RNMT: variants seen among roughly 807,000 people sequenced by gnomAD.
RNMT encodes the protein RNA guanine-7 methyltransferase, also known as mRNA cap guanine-N(7) methyltransferase.
Under a neutral mutation model 56.0 loss-of-function variants are expected in RNMT, and 27 were observed. The ratio of observed to expected loss-of-function variants is 0.48; its 90% confidence interval spans 0.36 to 0.67. The LOEUF (loss-of-function observed/expected upper bound fraction) is 0.67, where lower values mean the gene tolerates loss of function less well. Among genes scored for constraint, RNMT ranks in the 30% least tolerant of loss-of-function variants. The pLI, the probability that RNMT is intolerant of heterozygous loss-of-function variation, is 0.00. For synonymous variants in RNMT, 184 were observed against 176.2 expected, an observed-to-expected ratio of 1.04 and a Z score of -0.35; for missense variants, 519 against 552.1, an observed-to-expected ratio of 0.94 and a Z score of 0.60.
intron 9 of RNMT, among the ~76,000 whole-genome samples, chr18:13,749,636 A>G (rs1032559754): frequency 2.6e-5 from 4 of 152,260 alleles, no homozygotes; most frequent in African/African-American, 9.6e-5. Context: ...ATGAATTATT[A>G]AAAACATAAA....
chr18:13,759,712 T>C (rs2044596312), intron 11 of RNMT, among the ~76,000 whole-genome samples: 1 of 152,212 alleles, frequency 6.6e-6, no homozygotes, highest in South Asian at 2.1e-4. Flanking sequence ...TGGGCTGCAA[T>C]ATCACTGAGT....
At chr18:13,740,889 T>C (rs998189109) in intron 6 of RNMT, among the ~76,000 whole-genome samples, 3 of 152,212 alleles carry the variant, frequency 2.0e-5, no homozygotes, top group African/African-American at 7.2e-5. Flanking sequence ...TTATACTATG[T>C]TTTGTTCACC....
chr18:13,750,631 C>A (rs1474110639), intron 9 of RNMT, among the ~76,000 whole-genome samples: 2 of 151,890 alleles, frequency 1.3e-5, no homozygotes, highest in African/African-American at 2.4e-5. Context: ...GAAACCTTGT[C>A]CCTACAAAAA....
rs770957267 is a variant in RNMT at position 13,746,287 on chromosome 18, A to G, written c.1207A>G (p.Ile403Val). 1.3e-6 allele frequency: 2 copies of G among 1,575,774 alleles called. No individual in the cohort carries two copies. The highest frequency in any genetic ancestry group is 8.7e-7 in the Non-Finnish European group (1 of 1,153,680). ...ATTTCTGGAATTCTACGAAGAAAAG[A>G]TTAAGAACAATGAAAATAAAATGCT... ...KTFLEFYEEK[I>V]KNNENKMLLK... Residue 403 changes from isoleucine to valine, a missense_variant, in exon 9 of 12, where the codon ATT becomes GTT. Transcript: ENST00000383314.
chr18:13,760,157 AT>A lies in RNMT; in HGVS notation c.*179del. The A allele has an allele frequency of 7.5e-7, 1 of 1,341,714 alleles. No homozygotes were observed. The highest frequency in any genetic ancestry group is 2.1e-5 in the South Asian group (1 of 47,074). The allele number at this position is 1,341,714 out of a possible 1,614,324, so 83.1% of individuals were successfully genotyped here. On this transcript the variant is annotated 3_prime_UTR_variant, in exon 12 of 12. Coordinates refer to ENST00000383314, the MANE Select transcript of RNMT (RefSeq NM_003799.3). ...CTGTCTGTGACAGATGAACTTTTGC[AT>A]GTGTATATAAGAATGAGTTGGGACC...
At chr18:13,734,695 A>G (rs1471011655) in intron 4 of RNMT, 96 bp downstream of exon 4, 24 of 1,019,600 alleles carry the variant, frequency 2.4e-5, no homozygotes, top group Non-Finnish European at 7.0e-6. Flanking sequence ...TAGGTCTTGA[A>G]GACAAATTCT....
At chr18:13,753,778 G>GAA (rs11410401) in intron 10 of RNMT, among the ~76,000 whole-genome samples, 11 of 138,166 alleles carry the variant, frequency 8.0e-5, no homozygotes, top group South Asian at 6.8e-4. Flanking sequence ...CTCAAAAAAA[G>GAA]AAAAAAAAAA....
Position 13,741,646 on chromosome 18 carries a change from C to T in RNMT, c.929C>T (p.Pro310Leu), listed in dbSNP as rs2044253352. The change falls in exon 7 of 12, where the codon CCT becomes CTT. Residue 310 changes from proline to leucine, a missense_variant. Coordinates refer to ENST00000383314, the MANE Select transcript of RNMT (RefSeq NM_003799.3). ...AGAAATGCGTGTGAGAGACTTAGCC[C>T]TGGGGGCTATTTTATTGGTACTACT... ...MLRNACERLS[P>L]GGYFIGTTPN... 1.2e-6 allele frequency: 2 copies of T among 1,613,742 alleles called. No homozygotes were observed. Among genetic ancestry groups the T allele is most frequent in the Middle Eastern group, 1.7e-4 (1 of 6,060 alleles).
In RNMT at chr18:13,760,654, A is replaced by G; in HGVS notation, c.*675A>G. On this transcript the variant is annotated 3_prime_UTR_variant, in exon 12 of 12. Transcript: ENST00000383314. ...TTCAGAAATTGCTACCATAGTAATTAATGTTTCCAGTTATCAAGATTGTGA... is the reference window on the plus strand; with the variant it reads ...TTCAGAAATTGCTACCATAGTAATTGATGTTTCCAGTTATCAAGATTGTGA... The G allele has an allele frequency of 1.0e-6, 1 of 985,008 alleles. No homozygotes were observed. Among genetic ancestry groups the G allele is most frequent in the Non-Finnish European group, 1.2e-6 (1 of 829,514 alleles). The allele number at this position is 985,008 out of a possible 1,614,324, so 61.0% of individuals were successfully genotyped here. A position where few individuals can be genotyped will look rare whatever the true frequency, so the allele number is the denominator to read the frequency against.
Position 13,762,129 on chromosome 18 carries a change from C to T in RNMT, c.*2150C>T. ...GCTGCAAGCTCAGTGAAGTGGGGCA[C>T]TCCCAGACCTGCCATGCAGTTTATC... is the stretch of plus-strand genomic sequence containing the variant. On this transcript the variant is annotated 3_prime_UTR_variant, in exon 12 of 12. Transcript: ENST00000383314. 2 of 1,535,708 alleles carry T rather than the reference C, an allele frequency of 1.3e-6. No individual in the cohort carries two copies. Among genetic ancestry groups the T allele is most frequent in the Non-Finnish European group, 1.7e-6 (2 of 1,146,726 alleles).
chr18:13,753,310 C>G lies in RNMT; in HGVS notation c.1360-804C>G, dbSNP rs531673304. On this transcript the variant is annotated intron_variant, in intron 10 of 11. Transcript: ENST00000383314. ...TGAAACCCTGCCTCTACTAAAAATA[C>G]AAAAATTAGCTGGACGTGGTGACGG... 6.6e-5 allele frequency among the ~76,000 whole-genome samples: 10 copies of G among 151,842 alleles called. 1 individual carries two copies. The East Asian group carries it at 1.9e-3, about 29-fold the overall frequency.
rs1344429726 is a variant in RNMT, at chr18:13,761,900, A to G, written c.*1921A>G. ...CTCCTTGTTACAATTAAGTTTCTGG[A>G]TATTGACTTAAGAACTGTTAGGAAG... On this transcript the variant is annotated 3_prime_UTR_variant, in exon 12 of 12. Coordinates refer to ENST00000383314, the MANE Select transcript of RNMT (RefSeq NM_003799.3). 6 of 1,061,018 alleles carry G rather than the reference A, an allele frequency of 5.7e-6. No homozygotes were observed. Among genetic ancestry groups the G allele is most frequent in the East Asian group, 2.3e-4 (2 of 8,752 alleles). The allele number at this position is 1,061,018 out of a possible 1,614,324, so 65.7% of individuals were successfully genotyped here.
intron 11 of RNMT, among the ~76,000 whole-genome samples, chr18:13,758,627 C>A (rs573497229): frequency 2.6e-5 from 4 of 152,308 alleles, no homozygotes; most frequent in Admixed American, 2.0e-4. Context: ...GCTGGTTGAT[C>A]TTTGCAGACC....
At chr18:13,741,162 T>G (rs2044245081) in intron 6 of RNMT, among the ~76,000 whole-genome samples, 1 of 150,598 alleles carries the variant, frequency 6.6e-6, no homozygotes, top group South Asian at 2.1e-4. Context: ...TTTGCATTTT[T>G]TAAAAAATGC....
At chr18:13,738,331 C>T (rs1402881872) in intron 5 of RNMT, among the ~76,000 whole-genome samples, 1 of 151,854 alleles carries the variant, frequency 6.6e-6, no homozygotes, top group African/African-American at 2.4e-5. Flanking sequence ...TTTGTAAATC[C>T]CTTTAGAGTT....
intron 4 of RNMT, 134 bp downstream of exon 4, chr18:13,734,733 T>A: frequency 1.4e-6 from 1 of 726,802 alleles, no homozygotes; most frequent in Non-Finnish European, 2.1e-6. Flanking sequence ...GTTGACTGTG[T>A]AAGATTTTAA....
intron 3 of RNMT, among the ~76,000 whole-genome samples, chr18:13,732,735 GC>G (rs10535272): frequency 0.037 from 4,684 of 126,428 alleles, 249 homozygotes; most frequent in African/African-American, 0.089. Flanking sequence ...ACAGAGGGGA[GC>G]CCCCCCTTTT....
intron 6 of RNMT, among the ~76,000 whole-genome samples, 176 bp from the exon 7 acceptor site, chr18:13,741,334 A>G (rs1196748357): frequency 6.6e-6 from 1 of 152,222 alleles, no homozygotes; most frequent in Non-Finnish European, 1.5e-5. Flanking sequence ...GAAAGTGGGA[A>G]TCAAATTATT....
chr18:13,742,396 T>G (rs1327680529), intron 7 of RNMT, 92 bp from the exon 8 acceptor site: 4 of 1,130,274 alleles, frequency 3.5e-6, no homozygotes, highest in South Asian at 1.4e-5. Flanking sequence ...GTGTGCATCA[T>G]GTAGTTTTTC....
Sources: allele counts gnomAD v4.1 joint callset (sites outside exome capture counted in the v4.1 genomes callset), GRCh38; gene constraint gnomAD v4.1.1; transcripts MANE v1.5; gene names NCBI Gene and HGNC (gene_info 2026-07-23, HGNC 2026-07-21).